Variants in PCDH11X observed in about 807,000 individuals in gnomAD.
PCDH11X encodes protocadherin-11 X-linked.
PCDH11X carries 18 observed loss-of-function variants against 53.3 expected under a neutral mutation model. The observed-to-expected ratio is 0.34, with a 90% CI of 0.23 to 0.50. The LOEUF (loss-of-function observed/expected upper bound fraction) is 0.50. PCDH11X is among the 20% of genes least tolerant of loss of function. The probability of loss-of-function intolerance (pLI) is 0.98; values close to 1 mark genes in which losing one functional copy is unlikely to be tolerated. For missense variants in PCDH11X, 570 were observed against 1,032.4 expected, an observed-to-expected ratio of 0.55 and a Z score of 6.14; for synonymous variants, 279 against 393.3, an observed-to-expected ratio of 0.71 and a Z score of 3.44.
At chrX:92,293,453 C>T (rs1301466884) in intron 8 of PCDH11X, among the ~76,000 whole-genome samples, 6 of 109,080 alleles carry the variant, frequency 5.5e-5, no homozygotes, top group South Asian at 4.0e-4. Context: ...TGAAACCCCG[C>T]CTCTACAAAA....
At chrX:91,810,142 T>A (rs948662344) in intron 2 of PCDH11X, among the ~76,000 whole-genome samples, 3 of 111,251 alleles carry the variant, frequency 2.7e-5, no homozygotes, top group Non-Finnish European at 5.7e-5. Flanking sequence ...CAGACTAGGC[T>A]GGCTTTTCAA....
At chrX:92,450,940 C>A (rs887935932) in intron 9 of PCDH11X, among the ~76,000 whole-genome samples, 1 of 111,334 alleles carries the variant, frequency 9.0e-6, no homozygotes, top group African/African-American at 3.3e-5. Context: ...TTGACTTCAT[C>A]AAGTCAATGT....
intron 8 of PCDH11X, among the ~76,000 whole-genome samples, chrX:92,334,054 A>AT (rs1043420510): frequency 9.0e-6 from 1 of 111,479 alleles, no homozygotes; most frequent in African/African-American, 3.3e-5. Flanking sequence ...AATACTGTAA[A>AT]TTTTTTTGAA....
intron 1 of PCDH11X, among the ~76,000 whole-genome samples, chrX:91,801,033 A>G (rs1454989710): frequency 9.3e-6 from 1 of 107,847 alleles, no homozygotes; most frequent in Non-Finnish European, 1.9e-5. Context: ...AAAAAAAATT[A>G]GCTGGGTGTG....
intron 6 of PCDH11X, among the ~76,000 whole-genome samples, chrX:92,139,270 CTTTTTTTTT>C (rs1227547175): frequency 1.2e-5 from 1 of 82,840 alleles, no homozygotes; most frequent in African/African-American, 4.8e-5. Context: ...TTCTTTCTTT[CTTTTTTTTT>C]TTTTTTTTTT....
At chrX:92,014,281 A>G (rs2062749319) in intron 6 of PCDH11X, among the ~76,000 whole-genome samples, 1 of 112,405 alleles carries the variant, frequency 8.9e-6, no homozygotes, top group Non-Finnish European at 1.9e-5. Context: ...GACACATGAA[A>G]AAATGCTCAT....
chrX:91,968,421 G>A (rs1040642715), intron 6 of PCDH11X, among the ~76,000 whole-genome samples: 1 of 109,531 alleles, frequency 9.1e-6, no homozygotes, highest in African/African-American at 3.4e-5. Context: ...CAGTTAAAGT[G>A]ACTGAGTCAC....
chrX:92,474,999 A>G (rs2148667425), intron 10 of PCDH11X, among the ~76,000 whole-genome samples: 1 of 102,948 alleles, frequency 9.7e-6, no homozygotes, highest in Non-Finnish European at 2.0e-5. Flanking sequence ...CCCCGTCTCT[A>G]CTAAAAATAC....
chrX:91,993,164 C>T (rs1018295799), intron 6 of PCDH11X, among the ~76,000 whole-genome samples: 4 of 112,184 alleles, frequency 3.6e-5, no homozygotes, highest in African/African-American at 1.3e-4. Flanking sequence ...GCATGCATAA[C>T]TAAGCATTTT....
chrX:92,218,069 T>C (rs1299750845), intron 7 of PCDH11X, among the ~76,000 whole-genome samples: 1 of 108,214 alleles, frequency 9.2e-6, no homozygotes, highest in African/African-American at 3.4e-5. Context: ...TAGAGGGAAA[T>C]TCTAAATGCC....
At chrX:92,110,974 T>C (rs1178335425) in intron 6 of PCDH11X, among the ~76,000 whole-genome samples, 1 of 109,389 alleles carries the variant, frequency 9.1e-6, no homozygotes, top group Non-Finnish European at 1.9e-5. Context: ...TTAAGTTATG[T>C]TAATATGTAA....
rs767728084 is a variant in PCDH11X, at chrX:92,494,026, A to G, written c.3367+25704A>G. On this transcript the variant is annotated intron_variant, in intron 10 of 10. Transcript: ENST00000682573. ...TTATTTTCTTTCCCTTCACAAGGCT[A>G]TGTGATGTAATGCAAAGGAAAATGA... Among the ~76,000 whole-genome samples, 4 of 105,470 alleles carry G rather than the reference A, an allele frequency of 3.8e-5. No homozygotes were observed. The South Asian group carries it at 1.7e-3, about 46-fold the overall frequency. The allele number at this position is 105,470 out of a possible 115,157, so 91.6% of individuals were successfully genotyped here.
chrX:91,976,049 T>C (rs1376827184), intron 6 of PCDH11X, among the ~76,000 whole-genome samples: 1 of 111,710 alleles, frequency 9.0e-6, no homozygotes, highest in Non-Finnish European at 1.9e-5. Context: ...ATATTTATTA[T>C]TTTCTTTTCG....
chrX:92,555,950 T>A (rs79071252), intron 10 of PCDH11X, among the ~76,000 whole-genome samples: 2,930 of 108,911 alleles, frequency 0.027, 49 homozygotes, highest in Non-Finnish European at 0.043. Context: ...AACTCACAAT[T>A]ATGGCAGAAG....
intron 8 of PCDH11X, among the ~76,000 whole-genome samples, chrX:92,305,071 A>G (rs541362364): frequency 6.2e-4 from 69 of 111,157 alleles, no homozygotes; most frequent in South Asian, 1.1e-3. Flanking sequence ...ATTGAATACA[A>G]TTTTTCTTGT....
rs1433270826 is a variant in PCDH11X at position 92,293,709 on chromosome X, C to T, written c.3144+30566C>T. ...AAGCACATCTTTGTCTCTTCTGTTA[C>T]GAAATCTCAATGAAAAACTCTTGAG... On this transcript the variant is annotated intron_variant, in intron 8 of 10. Transcript: ENST00000682573. Among the ~76,000 whole-genome samples, 58 of 110,446 alleles carry T rather than the reference C, an allele frequency of 5.3e-4. 1 individual carries two copies. Among genetic ancestry groups the T allele is most frequent in the Admixed American group, 2.4e-3 (25 of 10,398 alleles).
At chrX:92,038,171 G>T (rs139186352) in intron 6 of PCDH11X, among the ~76,000 whole-genome samples, 1,991 of 111,260 alleles carry the variant, frequency 0.018, 26 homozygotes, top group Non-Finnish European at 0.028. Flanking sequence ...AATTAAAGCG[G>T]GCTACAGAAA....
At chrX:92,099,411 T>C in intron 6 of PCDH11X, among the ~76,000 whole-genome samples, 1 of 108,081 alleles carries the variant, frequency 9.3e-6, no homozygotes, top group Non-Finnish European at 1.9e-5. Flanking sequence ...ACCTCATGTA[T>C]CAAACTTAAA....
chrX:91,939,381 A>G (rs192063138), intron 6 of PCDH11X, among the ~76,000 whole-genome samples: 2 of 111,055 alleles, frequency 1.8e-5, no homozygotes, highest in Non-Finnish European at 3.8e-5. Context: ...TTTATGTGGA[A>G]CTAGAGTCTA....
Sources: gnomAD v4.1 joint callset for allele counts (sites outside exome capture counted in the v4.1 genomes callset) on GRCh38, gnomAD v4.1.1 for gene constraint, MANE v1.5 for transcripts, NCBI Gene and HGNC (gene_info 2026-07-23, HGNC 2026-07-21) for gene names.